DUSP14: variants seen among roughly 807,000 people sequenced by gnomAD.
The protein encoded by DUSP14 is dual specificity phosphatase 14, also known as dual specificity protein phosphatase 14.
In DUSP14, 5 loss-of-function variants were observed where a neutral mutation model predicts 13.2. The observed-to-expected ratio is 0.38, with a 90% confidence interval of 0.20 to 0.80. The LOEUF is 0.80. DUSP14 is among the 30% of genes least tolerant of loss of function. The pLI is 0.44. For synonymous variants in DUSP14, 91 were observed against 103.4 expected (o/e 0.88, Z 0.73); for missense variants, 185 against 264.0 (o/e 0.70, Z 2.07).
At chr17:37,510,640 T>C (rs2054177191) in intron 1 of DUSP14, 37 bp from the exon 2 acceptor site, 1 of 152,266 alleles carries the variant, frequency 6.6e-6, no homozygotes, top group Non-Finnish European at 1.5e-5. Context: ...TGGAACTTCC[T>C]GATTGGCTGT....
At chr17:37,499,604 C>T (rs531206743) in intron 1 of DUSP14, among the ~76,000 whole-genome samples, 241 of 152,282 alleles carry the variant, frequency 1.6e-3, no homozygotes, top group African/African-American at 5.6e-3. Flanking sequence ...TCTCGGCTCA[C>T]TGCAACCTCC....
chr17:37,512,293 C>T lies in DUSP14; in HGVS notation c.21C>T (p.Ser7=), dbSNP rs534243637. 2 of 1,610,856 alleles carry T rather than the reference C, an allele frequency of 1.2e-6. No individual in the cohort carries two copies. Among genetic ancestry groups the T allele is most frequent in the Non-Finnish European group, 1.7e-6 (2 of 1,177,964 alleles). Reference sequence around the variant, plus strand: ...TCTTCATGAGCTCCAGAGGTCACAGCACGCTACCAAGGACTCTCATGGCCC... The same window carrying T: ...TCTTCATGAGCTCCAGAGGTCACAGTACGCTACCAAGGACTCTCATGGCCC... The part of the protein sequence containing the change: MSSRGH[S]TLPRTLMAPR... The change falls in exon 3 of 3, where the codon AGC becomes AGT. Residue 7 remains serine (S), a synonymous_variant. Transcript: ENST00000617516. This position sits in a 1 kb window ranked among gnomAD's most constrained non-coding sequence, Gnocchi z 4.8.
At chr17:37,508,926 C>T (rs1251036876) in intron 1 of DUSP14, among the ~76,000 whole-genome samples, 1 of 147,798 alleles carries the variant, frequency 6.8e-6, no homozygotes, top group Non-Finnish European at 1.5e-5. Context: ...AGCAGCTGTA[C>T]TCACAATACC....
chr17:37,512,930 T>C lies in DUSP14; in HGVS notation c.*61T>C. Reference sequence around the variant, plus strand: ...CCGGCATCTGCTCCCCGCCGTCTGCTCCCTCTCCACTCTCTTCTCAAATGG... The same window carrying C: ...CCGGCATCTGCTCCCCGCCGTCTGCCCCCTCTCCACTCTCTTCTCAAATGG... On this transcript the variant is annotated 3_prime_UTR_variant, in exon 3 of 3. Coordinates refer to ENST00000617516, the MANE Select transcript of DUSP14 (RefSeq NM_007026.4). The surrounding 1 kb of genome is among the most constrained non-coding windows in gnomAD (Gnocchi z 4.8). 7.2e-7 allele frequency: 1 copy of C among 1,389,750 alleles called. No individual in the cohort carries two copies. The highest frequency in any genetic ancestry group is 1.0e-6 in the Non-Finnish European group (1 of 1,003,706). 86.1% of individuals were successfully genotyped at this position (1,389,750 alleles called of 1,614,324 possible).
At chr17:37,499,695 A>T (rs2054092990) in intron 1 of DUSP14, among the ~76,000 whole-genome samples, 1 of 151,742 alleles carries the variant, frequency 6.6e-6, no homozygotes, top group Admixed American at 6.6e-5. Flanking sequence ...ACACCTGGCT[A>T]ATTTTTATAT....
chr17:37,505,264 C>G (rs2054130664), intron 1 of DUSP14, among the ~76,000 whole-genome samples: 1 of 152,166 alleles, frequency 6.6e-6, no homozygotes, highest in Admixed American at 6.5e-5. Context: ...TGGTGGCTCA[C>G]CCCTGTAATC....
intron 1 of DUSP14, among the ~76,000 whole-genome samples, chr17:37,509,156 CACACACACACACTCTA>C (rs1433292144): frequency 4.4e-4 from 30 of 67,788 alleles, no homozygotes; most frequent in East Asian, 2.0e-3. Flanking sequence ...CACACACACA[CACACACACACACTCTA>C]TATATATATG....
intron 1 of DUSP14, among the ~76,000 whole-genome samples, chr17:37,495,720 C>T (rs1340091065): frequency 6.6e-6 from 1 of 151,436 alleles, no homozygotes; most frequent in Non-Finnish European, 1.5e-5. Flanking sequence ...AGTGCAGTGG[C>T]GCGATCTCGG....
chr17:37,506,241 G>A (rs538162303), intron 1 of DUSP14, among the ~76,000 whole-genome samples: 14 of 151,902 alleles, frequency 9.2e-5, no homozygotes, highest in Non-Finnish European at 1.8e-4. Context: ...CTCTAGTCTG[G>A]GTGACAGAGA....
chr17:37,512,083 A>G lies in DUSP14; in HGVS notation c.-92-98A>G. Reference sequence around the variant, plus strand: ...CTTGAAAGATTGTACTGTATTATTTAAAAAAAAACCCTCTAATCTTCCCAT... The same window carrying G: ...CTTGAAAGATTGTACTGTATTATTTGAAAAAAAACCCTCTAATCTTCCCAT... On this transcript the variant is annotated intron_variant, in intron 2 of 2. Coordinates refer to ENST00000617516, the MANE Select transcript of DUSP14 (RefSeq NM_007026.4). This position sits in a 1 kb window ranked among gnomAD's most constrained non-coding sequence, Gnocchi z 4.8. The G allele has an allele frequency of 1.8e-6, 1 of 550,968 alleles. No individual in the cohort carries two copies. Among genetic ancestry groups the G allele is most frequent in the East Asian group, 2.9e-5 (1 of 34,896 alleles). 34.1% of individuals were successfully genotyped at this position (550,968 alleles called of 1,614,324 possible). A position where few individuals can be genotyped will look rare whatever the true frequency, so the allele number is the denominator to read the frequency against.
intron 1 of DUSP14, among the ~76,000 whole-genome samples, chr17:37,509,571 C>G (rs2054169346): frequency 6.6e-6 from 1 of 151,836 alleles, no homozygotes; most frequent in Non-Finnish European, 1.5e-5. Context: ...ATCCACCCGC[C>G]TCGGCCTCCC....
Position 37,493,779 on chromosome 17 carries a change from T to G in DUSP14, c.-181+3821T>G, listed in dbSNP as rs2054044921. 2.0e-5 allele frequency among the ~76,000 whole-genome samples: 3 copies of G among 152,104 alleles called. No homozygotes were observed. In the South Asian group the frequency reaches 6.2e-4, roughly 32 times the overall value. On this transcript the variant is annotated intron_variant, in intron 1 of 2. Transcript: ENST00000617516. Reference sequence around the variant, plus strand: ...GTACCTAGATGTTTTTTAAGGCTCTTGAATGAATCCTGCCTCTGGTGAATG... The same window carrying G: ...GTACCTAGATGTTTTTTAAGGCTCTGGAATGAATCCTGCCTCTGGTGAATG...
intron 1 of DUSP14, among the ~76,000 whole-genome samples, chr17:37,490,327 C>T (rs2054019107): frequency 6.6e-6 from 1 of 152,184 alleles, no homozygotes. Flanking sequence ...CGCCTACTCT[C>T]GCTGGCATCC....
At chr17:37,508,826 CGT>C (rs2054154852) in intron 1 of DUSP14, among the ~76,000 whole-genome samples, 1 of 146,442 alleles carries the variant, frequency 6.8e-6, no homozygotes, top group Non-Finnish European at 1.5e-5. Flanking sequence ...GTTAAACATA[CGT>C]GTCATAGGAC....
intron 2 of DUSP14, among the ~76,000 whole-genome samples, chr17:37,511,922 C>G (rs1425928521): frequency 2.3e-4 from 4 of 17,760 alleles, no homozygotes; most frequent in Admixed American, 8.9e-4. Context: ...TGCCCAGCCA[C>G]CCCCCCCCCA....
intron 1 of DUSP14, among the ~76,000 whole-genome samples, chr17:37,508,347 TG>T (rs916012155): frequency 6.6e-6 from 1 of 152,176 alleles, no homozygotes; most frequent in Non-Finnish European, 1.5e-5. Flanking sequence ...AATCAGAAGC[TG>T]GGGAAAGGTC....
At position 37,512,999 on chromosome 17, in the gene DUSP14, C is replaced by CAA; in HGVS notation, c.*132_*133dup. The CAA allele has an allele frequency of 1.3e-6, 1 of 750,362 alleles. No homozygotes were observed. Among genetic ancestry groups the CAA allele is most frequent in the Non-Finnish European group, 2.2e-6 (1 of 448,344 alleles). The allele number at this position is 750,362 out of a possible 1,614,324, so 46.5% of individuals were successfully genotyped here. A position where few individuals can be genotyped will look rare whatever the true frequency, so the allele number is the denominator to read the frequency against. On this transcript the variant is annotated 3_prime_UTR_variant, in exon 3 of 3. Transcript: ENST00000617516. This position sits in a 1 kb window ranked among gnomAD's most constrained non-coding sequence, Gnocchi z 4.8. ...TCAAGTGTTTTTTACACTGGGTGTTCAAATTTATTTTAAGAGATAGGGAGG... is the reference window on the plus strand; with the variant it reads ...TCAAGTGTTTTTTACACTGGGTGTTCAAAAATTTATTTTAAGAGATAGGGAGG...
intron 1 of DUSP14, among the ~76,000 whole-genome samples, chr17:37,509,129 A>ATATATATATATG (rs2054159086): frequency 1.7e-4 from 4 of 23,216 alleles, no homozygotes; most frequent in African/African-American, 7.3e-4. Context: ...ATATATATAT[A>ATATATATATATG]CACACACACA....
chr17:37,502,415 C>T (rs1227519426), intron 1 of DUSP14, among the ~76,000 whole-genome samples: 1 of 150,246 alleles, frequency 6.7e-6, no homozygotes, highest in East Asian at 2.0e-4. Context: ...AACTCCTGGG[C>T]TCAAGCAGTC....
Sources: gnomAD v4.1 joint callset for allele counts (sites outside exome capture counted in the v4.1 genomes callset) on GRCh38, gnomAD v4.1.1 for gene constraint, Gnocchi (gnomAD v3.1) non-coding constraint, MANE v1.5 for transcripts, NCBI Gene and HGNC (gene_info 2026-07-23, HGNC 2026-07-21) for gene names.